PITPNC1: variants seen among roughly 807,000 people sequenced by gnomAD.
PITPNC1 encodes the protein phosphatidylinositol transfer protein cytoplasmic 1.
In PITPNC1, 18 loss-of-function variants were observed where a neutral mutation model predicts 44.7. The ratio of observed to expected loss-of-function variants is 0.40; its 90% CI spans 0.28 to 0.60. The LOEUF (loss-of-function observed/expected upper bound fraction) is 0.60, where lower values mean the gene tolerates loss of function less well. PITPNC1 is among the 20% of genes least tolerant of loss of function. The pLI is 0.39. For missense variants in PITPNC1, 290 were observed against 418.4 expected (o/e 0.69, Z 2.68); for synonymous variants, 141 against 149.6 (o/e 0.94, Z 0.42).
Position 67,602,122 on chromosome 17 carries a change from C to A in PITPNC1, c.366+23865C>A, listed in dbSNP as rs11657843. On this transcript the variant is annotated intron_variant, in intron 5 of 8. Coordinates refer to ENST00000581322, the MANE Select transcript of PITPNC1 (RefSeq NM_012417.4). The stretch of plus-strand genomic sequence containing the variant: ...CAGCCTACATAATTGTGGCGTTTTC[C>A]CAGCTGTGCTTTGCAGCCTGCGTGT... Among the ~76,000 whole-genome samples the A allele has an allele frequency of 2.9e-3, 438 of 152,220 alleles. 1 individual carries two copies. The highest frequency in any genetic ancestry group is 5.1e-3 in the Non-Finnish European group (347 of 68,010).
At chr17:67,429,762 T>C (rs2038828047) in intron 1 of PITPNC1, among the ~76,000 whole-genome samples, 1 of 152,234 alleles carries the variant, frequency 6.6e-6, no homozygotes, top group South Asian at 2.1e-4. Context: ...ATTTGTCATT[T>C]AAAATCTTGT....
At position 67,692,671 on chromosome 17, in the gene PITPNC1, T is replaced by A. The variant is rs750298872; in HGVS notation, c.782T>A (p.Ile261Asn). 6.2e-7 allele frequency: 1 copy of A among 1,613,390 alleles called. No homozygotes were observed. The part of the protein sequence containing the change: ...IFPPAISISS[I>N]PLLPSSVRSA... ...CCACCTGCAATTTCTATCTCCAGCA[T>A]CCCCCTGCTGCCTTCTTCCGTCCGC... Residue 261 changes from isoleucine (I) to asparagine (N), a missense_variant, in exon 9 of 9, where the codon ATC becomes AAC. Coordinates refer to ENST00000581322, the MANE Select transcript of PITPNC1 (RefSeq NM_012417.4).
At chr17:67,442,342 T>C (rs1441224251) in intron 1 of PITPNC1, among the ~76,000 whole-genome samples, 1 of 149,442 alleles carries the variant, frequency 6.7e-6, no homozygotes, top group Non-Finnish European at 1.5e-5. Context: ...AAGTCTCATG[T>C]TGTCCAATCT....
At chr17:67,686,650 T>C (rs951479420) in intron 8 of PITPNC1, among the ~76,000 whole-genome samples, 2 of 152,348 alleles carry the variant, frequency 1.3e-5, no homozygotes, top group East Asian at 3.9e-4. Flanking sequence ...TTGAATGCAT[T>C]GATTTAAACA....
chr17:67,402,942 C>A (rs1399321946), intron 1 of PITPNC1, among the ~76,000 whole-genome samples: 1 of 152,198 alleles, frequency 6.6e-6, no homozygotes, highest in Non-Finnish European at 1.5e-5. Context: ...GCTGGGATTA[C>A]AGGCGTGAGC....
At position 67,513,487 on chromosome 17, in the gene PITPNC1, G is replaced by A. The variant is rs1207795988; in HGVS notation, c.49-19315G>A. On this transcript the variant is annotated intron_variant, in intron 1 of 8. Coordinates refer to ENST00000581322, the MANE Select transcript of PITPNC1 (RefSeq NM_012417.4). ...CTATATTTTTACTATATGTGTGTGT[G>A]TGTATATATATATATATATATATAT... is the stretch of plus-strand genomic sequence containing the variant. Among the ~76,000 whole-genome samples the A allele has an allele frequency of 3.4e-4, 47 of 136,912 alleles. 1 individual carries two copies. Among genetic ancestry groups the A allele is most frequent in the African/African-American group, 1.3e-3 (43 of 32,992 alleles). The allele number at this position is 136,912 out of a possible 152,430, so 89.8% of individuals were successfully genotyped here. A position where few individuals can be genotyped will look rare whatever the true frequency, so the allele number is the denominator to read the frequency against.
chr17:67,411,861 T>C (rs2038503910), intron 1 of PITPNC1, among the ~76,000 whole-genome samples: 1 of 152,274 alleles, frequency 6.6e-6, no homozygotes, highest in Admixed American at 6.5e-5. Flanking sequence ...TTACTGTTCC[T>C]GTGTTACAGG....
chr17:67,537,353 C>T (rs1235563901), intron 2 of PITPNC1, among the ~76,000 whole-genome samples: 4 of 152,094 alleles, frequency 2.6e-5, no homozygotes, highest in African/African-American at 9.7e-5. Context: ...GAGAATTCAG[C>T]AAGATTGTTG....
At chr17:67,485,369 G>A (rs1457462834) in intron 1 of PITPNC1, among the ~76,000 whole-genome samples, 1 of 130,780 alleles carries the variant, frequency 7.6e-6, no homozygotes, top group African/African-American at 3.1e-5. Flanking sequence ...TTAGTTGGGT[G>A]ATTTTTTTTT....
intron 7 of PITPNC1, among the ~76,000 whole-genome samples, chr17:67,669,953 A>G (rs2042484697): frequency 6.6e-6 from 1 of 152,016 alleles, no homozygotes; most frequent in Non-Finnish European, 1.5e-5. Context: ...GGGTGCCTGT[A>G]ACCCAGCTAC....
chr17:67,507,029 T>G lies in PITPNC1; in HGVS notation c.49-25773T>G, dbSNP rs569917935. The stretch of plus-strand genomic sequence containing the variant: ...TTGATAGTATGGTGGTGGTGGTGGT[T>G]TCTTGTAATGACATAGACCCACTCG... On this transcript the variant is annotated intron_variant, in intron 1 of 8. Transcript: ENST00000581322. Among the ~76,000 whole-genome samples, 3 of 152,272 alleles carry G rather than the reference T, an allele frequency of 2.0e-5. No individual in the cohort carries two copies. The East Asian group carries it at 5.8e-4, about 29-fold the overall frequency.
At chr17:67,603,596 T>C (rs966451128) in intron 5 of PITPNC1, among the ~76,000 whole-genome samples, 3 of 152,250 alleles carry the variant, frequency 2.0e-5, no homozygotes, top group East Asian at 1.9e-4. Flanking sequence ...CGTGCTCTCA[T>C]GTAACTAATC....
intron 5 of PITPNC1, among the ~76,000 whole-genome samples, chr17:67,588,630 T>C (rs938340010): frequency 1.3e-5 from 2 of 152,190 alleles, no homozygotes; most frequent in African/African-American, 4.8e-5. Context: ...AGTTTGGTAC[T>C]ATCTGAGGTC....
At chr17:67,414,163 G>A (rs2038552118) in intron 1 of PITPNC1, among the ~76,000 whole-genome samples, 2 of 151,440 alleles carry the variant, frequency 1.3e-5, no homozygotes, top group Admixed American at 1.3e-4. Context: ...AGCCTTATCA[G>A]TTTTCAAACC....
At chr17:67,623,314 C>A (rs1459103700) in intron 5 of PITPNC1, among the ~76,000 whole-genome samples, 1 of 152,110 alleles carries the variant, frequency 6.6e-6, no homozygotes, top group African/African-American at 2.4e-5. Flanking sequence ...AGCTACTAGG[C>A]TTGCACCTTC....
intron 1 of PITPNC1, among the ~76,000 whole-genome samples, chr17:67,474,249 C>G (rs1160045171): frequency 6.6e-6 from 1 of 152,066 alleles, no homozygotes; most frequent in Non-Finnish European, 1.5e-5. Context: ...TTGGGAGGGT[C>G]GATTTCCATG....
chr17:67,511,473 C>T (rs1019247656), intron 1 of PITPNC1, among the ~76,000 whole-genome samples: 3 of 152,086 alleles, frequency 2.0e-5, no homozygotes, highest in African/African-American at 4.8e-5. Context: ...CATTGTGGAC[C>T]GAGGTCGGTT....
chr17:67,621,225 TAAGACA>T (rs2041825735), intron 5 of PITPNC1, among the ~76,000 whole-genome samples: 1 of 151,108 alleles, frequency 6.6e-6, no homozygotes. Context: ...TATTTTATTT[TAAGACA>T]AAGTTTCACT....
chr17:67,417,462 C>T (rs2038605856), intron 1 of PITPNC1, among the ~76,000 whole-genome samples: 2 of 152,118 alleles, frequency 1.3e-5, no homozygotes, highest in South Asian at 2.1e-4. Flanking sequence ...CTTGAGCCCA[C>T]CATGGTGTCA....
Sources: allele counts gnomAD v4.1 joint callset (sites outside exome capture counted in the v4.1 genomes callset), GRCh38; gene constraint gnomAD v4.1.1; transcripts MANE v1.5; gene names NCBI Gene and HGNC (gene_info 2026-07-23, HGNC 2026-07-21).